GPR89B: variants seen among roughly 807,000 people sequenced by gnomAD.
The protein encoded by GPR89B is golgi pH regulator B.
Under a neutral mutation model 52.4 loss-of-function variants are expected in GPR89B, and 25 were observed. The ratio of observed to expected loss-of-function variants is 0.48; its 90% CI spans 0.35 to 0.67. The LOEUF (loss-of-function observed/expected upper bound fraction) is 0.67, where lower values mean the gene tolerates loss of function less well. Ranked by LOEUF, GPR89B falls within the 30% of genes least tolerant of loss-of-function variation. GPR89B has a pLI of 0.01. For missense variants in GPR89B, 146 were observed against 450.2 expected, an observed-to-expected ratio of 0.32 and a Z score of 6.11; for synonymous variants, 52 against 151.2, an observed-to-expected ratio of 0.34 and a Z score of 4.81.
chr1:148,015,317 C>CTG, the GPR89B span, among the ~76,000 whole-genome samples: 1 of 137,396 alleles, frequency 7.3e-6, no homozygotes, highest in Non-Finnish European at 1.6e-5. Context: ...CTCTCTCTCT[C>CTG]TCTCTCTCTC....
intron 5 of GPR89B, among the ~76,000 whole-genome samples, chr1:147,946,994 C>G (rs1451763400): frequency 6.6e-6 from 1 of 151,982 alleles, no homozygotes; most frequent in East Asian, 1.9e-4. Flanking sequence ...TAGAGCTTTC[C>G]CAGGACTGTC....
the GPR89B span, chr1:148,024,738 A>AG: frequency 6.7e-6 from 1 of 149,294 alleles, no homozygotes; most frequent in Non-Finnish European, 1.5e-5. Flanking sequence ...ACTGGTGCCC[A>AG]GGGGGAGAAG....
At chr1:147,959,351 A>G (rs1354836947) in intron 7 of GPR89B, among the ~76,000 whole-genome samples, 1 of 152,160 alleles carries the variant, frequency 6.6e-6, no homozygotes, top group African/African-American at 2.4e-5. Flanking sequence ...CAATAGAGGA[A>G]ACTTCCAGAA....
chr1:147,977,589 C>T (rs1221582889), intron 10 of GPR89B, among the ~76,000 whole-genome samples: 2,925 of 151,604 alleles, frequency 0.019, 54 homozygotes, highest in Non-Finnish European at 0.026. Context: ...CAACTTGAAA[C>T]GGTTCCGTTC....
the GPR89B span, among the ~76,000 whole-genome samples, chr1:148,006,130 T>C: frequency 6.6e-6 from 1 of 151,966 alleles, no homozygotes; most frequent in South Asian, 2.1e-4. Flanking sequence ...ACTCAGTGGG[T>C]ATTTGTTGAT....
At chr1:147,963,375 T>TA (rs71077287) in intron 7 of GPR89B, among the ~76,000 whole-genome samples, 2,588 of 139,554 alleles carry the variant, frequency 0.019, 1 homozygote, top group African/African-American at 0.058. Flanking sequence ...GACTCCTTCT[T>TA]AAAAAAAAAA....
chr1:147,987,131 A>G (rs1374607337), intron 11 of GPR89B, among the ~76,000 whole-genome samples: 5 of 152,352 alleles, frequency 3.3e-5, no homozygotes, highest in African/African-American at 9.6e-5. Context: ...AAACAGCTCA[A>G]TGTACATGTT....
the GPR89B span, among the ~76,000 whole-genome samples, chr1:148,020,476 G>T: frequency 6.6e-6 from 1 of 151,428 alleles, no homozygotes; most frequent in Non-Finnish European, 1.5e-5. Flanking sequence ...GTCAGGAGGC[G>T]TTGGCAGTTC....
intron 5 of GPR89B, among the ~76,000 whole-genome samples, chr1:147,947,333 CAAAAA>C (rs1167267658): frequency 2.7e-5 from 2 of 73,600 alleles, no homozygotes; most frequent in Non-Finnish European, 6.0e-5. Flanking sequence ...GCGAGACTCT[CAAAAA>C]AAAAAAAAAA....
rs1405824881 is a variant in GPR89B, at chr1:147,980,732, T to C, written c.910-5467T>C. The stretch of plus-strand genomic sequence containing the variant: ...TACTTGGGAGGCTGAGGCAGGAGAA[T>C]GGCGTGAACCCGGGAGGCGGAGCTT... On this transcript the variant is annotated intron_variant, in intron 10 of 13. Transcript: ENST00000314163. Among the ~76,000 whole-genome samples the C allele has an allele frequency of 3.3e-4, 45 of 136,698 alleles. 2 individuals are homozygous for C. Among genetic ancestry groups the C allele is most frequent in the African/African-American group, 1.2e-3 (45 of 36,112 alleles). 89.7% of individuals were successfully genotyped at this position (136,698 alleles called of 152,430 possible).
intron 5 of GPR89B, among the ~76,000 whole-genome samples, chr1:147,949,952 GT>G (rs1553250667): frequency 2.2e-5 from 3 of 135,324 alleles, no homozygotes; most frequent in Admixed American, 7.1e-5. Flanking sequence ...CTCCCGGACG[GT>G]GCGGCTGGCC....
chr1:147,994,833 C>T (rs1571329414), downstream of GPR89B, among the ~76,000 whole-genome samples: 9 of 151,728 alleles, frequency 5.9e-5, no homozygotes, highest in Middle Eastern at 3.4e-3. Context: ...GAATATTCCA[C>T]CCATTAGCAG....
the GPR89B span, among the ~76,000 whole-genome samples, chr1:148,007,121 C>G: frequency 7.1e-6 from 1 of 140,582 alleles, no homozygotes; most frequent in African/African-American, 2.7e-5. Flanking sequence ...TATCGCCCAG[C>G]CTGGAGTGCA....
rs1445425236 is a variant in GPR89B at position 147,949,567 on chromosome 1, CG to C, written c.416-3772del. Among the ~76,000 whole-genome samples, 78 of 129,294 alleles carry C rather than the reference CG, an allele frequency of 6.0e-4. 1 individual carries two copies. In the East Asian group the frequency reaches 9.8e-3, roughly 16 times the overall value. 84.8% of individuals were successfully genotyped at this position (129,294 alleles called of 152,430 possible). A position where few individuals can be genotyped will look rare whatever the true frequency, so the allele number is the denominator to read the frequency against. The stretch of plus-strand genomic sequence containing the variant: ...CTCCCGGACGGGGCGGCTGGCCGGG[CG>C]GGGGGCTGACCCCCCCACCTCCCTC... On this transcript the variant is annotated intron_variant, in intron 5 of 13. Coordinates refer to ENST00000314163, the MANE Select transcript of GPR89B (RefSeq NM_016334.5).
chr1:148,024,126 C>G, the GPR89B span, among the ~76,000 whole-genome samples: 1 of 145,804 alleles, frequency 6.9e-6, no homozygotes, highest in East Asian at 2.0e-4. Flanking sequence ...CTAATCATTA[C>G]AAGCCAAGAA....
At chr1:147,971,005 C>T (rs1423318676) in intron 10 of GPR89B, among the ~76,000 whole-genome samples, 88 of 150,980 alleles carry the variant, frequency 5.8e-4, no homozygotes, top group Non-Finnish European at 1.1e-3. Context: ...TATAAAGGAT[C>T]TAGTGTTACA....
chr1:148,012,333 T>C, the GPR89B span: 2 of 140,954 alleles, frequency 1.4e-5, no homozygotes, highest in Admixed American at 7.0e-5. Flanking sequence ...AAATCATGGA[T>C]TACTTATGTG....
intron 7 of GPR89B, among the ~76,000 whole-genome samples, chr1:147,957,657 T>C (rs1332240767): frequency 6.6e-6 from 1 of 151,662 alleles, no homozygotes; most frequent in Middle Eastern, 3.2e-3. Context: ...CATAAGTAAA[T>C]GGTAACAGGT....
chr1:147,971,464 C>CTTT (rs1196935183), intron 10 of GPR89B, among the ~76,000 whole-genome samples: 1,292 of 70,234 alleles, frequency 0.018, 17 homozygotes, highest in East Asian at 0.037. Context: ...GGAAGCATGT[C>CTTT]TTTTTTTTTT....
Sources: gnomAD v4.1 joint callset for allele counts (sites outside exome capture counted in the v4.1 genomes callset) on GRCh38, gnomAD v4.1.1 for gene constraint, MANE v1.5 for transcripts, NCBI Gene and HGNC (gene_info 2026-07-23, HGNC 2026-07-21) for gene names.